Variants in PCDH15 observed in about 807,000 individuals in gnomAD.
PCDH15 encodes protocadherin related 15.
Under a neutral mutation model 178.5 loss-of-function variants are expected in PCDH15, and 129 were observed. That is an observed-to-expected ratio of 0.72 (90% CI 0.63 to 0.84). The LOEUF (loss-of-function observed/expected upper bound fraction) is 0.84. PCDH15 is among the 40% of genes least tolerant of loss of function. The probability of loss-of-function intolerance (pLI) is 0.00; values close to 1 mark genes in which losing one functional copy is unlikely to be tolerated. For missense variants in PCDH15, 2,230 were observed against 2,099.9 expected, an observed-to-expected ratio of 1.06 and a Z score of -1.21; for synonymous variants, 800 against 732.0, an observed-to-expected ratio of 1.09 and a Z score of -1.50.
At chr10:54,147,772 CATT>C (rs1271136652) in intron 14 of PCDH15, among the ~76,000 whole-genome samples, 2 of 151,854 alleles carry the variant, frequency 1.3e-5, no homozygotes, top group East Asian at 3.9e-4. Context: ...TTATAAATAG[CATT>C]ATTATCATTG....
At chr10:54,430,531 G>T (rs1435513994) in intron 3 of PCDH15, among the ~76,000 whole-genome samples, 2 of 152,008 alleles carry the variant, frequency 1.3e-5, no homozygotes, top group Admixed American at 1.3e-4. Flanking sequence ...TAAAATATAT[G>T]CTCTTGAATG....
chr10:54,888,480 A>T (rs1248330228), intron 3 of PCDH15, among the ~76,000 whole-genome samples: 2 of 151,972 alleles, frequency 1.3e-5, no homozygotes, highest in African/African-American at 4.8e-5. Context: ...TTTTGGTGCT[A>T]TTACAAATCA....
intron 2 of PCDH15, among the ~76,000 whole-genome samples, chr10:55,013,176 T>A (rs1840087739): frequency 6.6e-6 from 1 of 152,162 alleles, no homozygotes; most frequent in South Asian, 2.1e-4. Flanking sequence ...TCCATTCATG[T>A]ATTCTCTGTC....
At chr10:55,466,048 A>C (rs1160720050) in intron 2 of PCDH15, among the ~76,000 whole-genome samples, 1 of 152,154 alleles carries the variant, frequency 6.6e-6, no homozygotes, top group African/African-American at 2.4e-5. Flanking sequence ...CAGTGGGGGT[A>C]TAATGATTAC....
At chr10:55,146,569 A>C (rs2799605) in intron 2 of PCDH15, among the ~76,000 whole-genome samples, 136,995 of 151,838 alleles carry the variant, frequency 0.9, 62,473 homozygotes, top group Non-Finnish European at 0.97. Flanking sequence ...ACACGTGATA[A>C]TTTGTAACAA....
intron 1 of PCDH15, among the ~76,000 whole-genome samples, chr10:54,784,343 A>G (rs1228257573): frequency 6.6e-6 from 1 of 151,764 alleles, no homozygotes; most frequent in Non-Finnish European, 1.5e-5. Context: ...ATAATAAAAA[A>G]AAAAAAGCAA....
chr10:55,439,371 A>C (rs1295198913), intron 2 of PCDH15, among the ~76,000 whole-genome samples: 1 of 152,178 alleles, frequency 6.6e-6, no homozygotes, highest in Non-Finnish European at 1.5e-5. Context: ...AACTCTACAG[A>C]AATAAAGTTC....
chr10:53,918,332 T>C (rs775418990), intron 25 of PCDH15, among the ~76,000 whole-genome samples: 3 of 152,174 alleles, frequency 2.0e-5, no homozygotes, highest in African/African-American at 7.2e-5. Flanking sequence ...TCAACTATTA[T>C]ACAGAAGAGC....
chr10:54,931,508 C>A lies in PCDH15; in HGVS notation c.-79-34008G>T, dbSNP rs1207883220. Among the ~76,000 whole-genome samples the A allele has an allele frequency of 2.6e-5, 4 of 152,178 alleles. No homozygotes were observed. The East Asian group carries it at 5.8e-4, about 22-fold the overall frequency. On this transcript the variant is annotated intron_variant, in intron 2 of 5. Coordinates refer to the PCDH15 transcript ENST00000458638. The stretch of plus-strand genomic sequence containing the variant: ...TTTAATTCCCTGGAGCAGATGGATA[C>A]CTTGGTGTATAGGCAGATTTGTCCA...
At chr10:54,846,594 C>A (rs987127733) in intron 3 of PCDH15, among the ~76,000 whole-genome samples, 1 of 152,126 alleles carries the variant, frequency 6.6e-6, no homozygotes, top group African/African-American at 2.4e-5. Context: ...TGAAAAAAAT[C>A]TACCTTTTCT....
chr10:54,709,185 G>A (rs894515797), intron 1 of PCDH15, among the ~76,000 whole-genome samples: 2 of 152,062 alleles, frequency 1.3e-5, no homozygotes, highest in Non-Finnish European at 2.9e-5. Context: ...GAAATCAGTT[G>A]CTCAAGCACT....
At chr10:54,170,284 T>C (rs190092586) in intron 13 of PCDH15, among the ~76,000 whole-genome samples, 1,999 of 151,962 alleles carry the variant, frequency 0.013, 48 homozygotes, top group African/African-American at 0.045. Flanking sequence ...AACTCCTTTC[T>C]TTCCTAGGCA....
chr10:54,393,977 A>G (rs866204319), intron 3 of PCDH15, among the ~76,000 whole-genome samples: 1 of 152,076 alleles, frequency 6.6e-6, no homozygotes, highest in Non-Finnish European at 1.5e-5. Flanking sequence ...TGCATGTTTT[A>G]GGATGGTGAA....
At chr10:54,615,710 A>AAG (rs2093120778) in intron 2 of PCDH15, among the ~76,000 whole-genome samples, 1 of 14,046 alleles carries the variant, frequency 7.1e-5, no homozygotes, top group Admixed American at 4.5e-4. Flanking sequence ...TACAAATAAC[A>AAG]ACGTGTGAAG....
intron 2 of PCDH15, among the ~76,000 whole-genome samples, chr10:55,481,995 T>TTA (rs1353511973): frequency 6.6e-6 from 1 of 151,904 alleles, no homozygotes; most frequent in East Asian, 1.9e-4. Context: ...AGAACTTGCT[T>TTA]TATGAATCTG....
At chr10:53,811,799 A>G (rs552031862) in intron 35 of PCDH15, among the ~76,000 whole-genome samples, 180 bp from the exon 36 acceptor site, 15 of 152,172 alleles carry the variant, frequency 9.9e-5, no homozygotes, top group Non-Finnish European at 2.1e-4. Context: ...AGTCAAATCT[A>G]TTCATTTTTT....
At chr10:54,538,096 C>T (rs377629760) in intron 2 of PCDH15, among the ~76,000 whole-genome samples, 44 of 152,164 alleles carry the variant, frequency 2.9e-4, no homozygotes, top group African/African-American at 7.5e-4. Context: ...TCTTTTCTGT[C>T]GGGCAGAAGC....
chr10:54,292,754 A>T (rs4572046), intron 8 of PCDH15, among the ~76,000 whole-genome samples: 152,229 of 152,230 alleles, frequency 1, 76,114 homozygotes, highest in Non-Finnish European at 1. Context: ...GGAATCCAAC[A>T]TACAAGGGAT....
intron 14 of PCDH15, among the ~76,000 whole-genome samples, chr10:54,138,058 G>A (rs966244025): frequency 2.6e-5 from 4 of 152,178 alleles, no homozygotes; most frequent in African/African-American, 7.2e-5. Flanking sequence ...CCGGATAGGT[G>A]AGTGTCAGGT....
Sources: allele counts gnomAD v4.1 joint callset (sites outside exome capture counted in the v4.1 genomes callset), GRCh38; gene constraint gnomAD v4.1.1; transcripts MANE v1.5; gene names NCBI Gene and HGNC (gene_info 2026-07-23, HGNC 2026-07-21).